The following TTC3 variants were observed in gnomAD, a reference collection of about 807,000 sequenced individuals.
TTC3 encodes the protein E3 ubiquitin-protein ligase TTC3.
In TTC3, 180 loss-of-function variants were observed where a neutral mutation model predicts 249.6. That is an observed-to-expected ratio of 0.72 (90% CI 0.64 to 0.82). TTC3 has a LOEUF of 0.82. TTC3 is among the 40% of genes least tolerant of loss of function. The pLI is 0.00. For synonymous variants in TTC3, 717 were observed against 805.0 expected (o/e 0.89, Z 1.85); for missense variants, 2,061 against 2,398.4 (o/e 0.86, Z 2.94).
chr21:37,078,154 C>A (rs995038770), intron 1 of TTC3, among the ~76,000 whole-genome samples: 3 of 152,064 alleles, frequency 2.0e-5, no homozygotes, highest in Middle Eastern at 3.2e-3. Flanking sequence ...TTAGTTACTA[C>A]CTGCATGGGT....
At chr21:37,073,584 A>G (rs541153145) in intron 1 of TTC3, 111 bp downstream of exon 1, 200 of 816,158 alleles carry the variant, frequency 2.5e-4, no homozygotes, top group Non-Finnish European at 2.6e-4. Context: ...TGCCTACCCC[A>G]GTGGGTTTGC....
intron 13 of TTC3, 53 bp from the exon 14 acceptor site, chr21:37,124,566 T>G (rs2076907429): frequency 6.3e-7 from 1 of 1,584,696 alleles, no homozygotes. Flanking sequence ...ACCTGTTCAT[T>G]CAAAGGATAA....
intron 35 of TTC3, among the ~76,000 whole-genome samples, chr21:37,172,987 G>C (rs1472662305): frequency 6.6e-6 from 1 of 152,184 alleles, no homozygotes. Context: ...TTTAGCTATA[G>C]TTCAGTTTCC....
intron 17 of TTC3, 75 bp downstream of exon 17, chr21:37,132,841 A>G: frequency 1.9e-6 from 2 of 1,075,810 alleles, no homozygotes. Context: ...TAAGGTTCTA[A>G]TCATGTACAT....
At chr21:37,110,733 A>G (rs1215653938) in intron 11 of TTC3, among the ~76,000 whole-genome samples, 1 of 152,196 alleles carries the variant, frequency 6.6e-6, no homozygotes, top group Non-Finnish European at 1.5e-5. Context: ...TGAGAAGAGC[A>G]ACTCCAAGAC....
At chr21:37,087,065 A>G (rs1182155156) in intron 1 of TTC3, 182 bp from the exon 2 acceptor site, 1 of 618,512 alleles carries the variant, frequency 1.6e-6, no homozygotes, top group Non-Finnish European at 2.8e-6. Context: ...AATTATCTGG[A>G]GAGAGAGGAA....
intron 16 of TTC3, 66 bp from the exon 17 acceptor site, chr21:37,132,616 T>C: frequency 7.4e-7 from 1 of 1,343,628 alleles, no homozygotes; most frequent in Non-Finnish European, 1.0e-6. Context: ...CCTGGCCCTA[T>C]TTTTTCTTTA....
At chr21:37,132,626 A>G in intron 16 of TTC3, 56 bp from the exon 17 acceptor site, 1 of 1,420,266 alleles carries the variant, frequency 7.0e-7, no homozygotes, top group Non-Finnish European at 9.6e-7. Context: ...TTTTTTCTTT[A>G]TATGAGTAGA....
intron 14 of TTC3, 57 bp from the exon 15 acceptor site, chr21:37,126,023 A>G: frequency 1.3e-6 from 2 of 1,515,836 alleles, no homozygotes; most frequent in Non-Finnish European, 1.8e-6. Flanking sequence ...TAGCTATTGA[A>G]TTCTTCATGG....
At chr21:37,090,279 T>C (rs779742520) in exon 6 of TTC3, 7 of 1,605,390 alleles carry the variant, frequency 4.4e-6, no homozygotes, top group African/African-American at 1.3e-5. Flanking sequence ...GGTTGTAAAA[T>C]AGAAAATGTA....
intron 11 of TTC3, among the ~76,000 whole-genome samples, chr21:37,120,878 TGTGTA>T (rs1465551874): frequency 1.3e-5 from 2 of 152,214 alleles, no homozygotes; most frequent in Non-Finnish European, 2.9e-5. Flanking sequence ...CTTTGTGAAA[TGTGTA>T]GTGAAGAGGA....
chr21:37,147,509 G>A (rs932229315), exon 22 of TTC3: 3 of 1,608,802 alleles, frequency 1.9e-6, no homozygotes, highest in African/African-American at 2.7e-5. Flanking sequence ...GTTGAAGAAT[G>A]CAAGTTCCCT....
In TTC3 at chr21:37,140,479, A is replaced by T. The variant is rs556906114; in HGVS notation, c.1660-82A>T. On this transcript the variant is annotated intron_variant, in intron 19 of 45. Coordinates refer to ENST00000355666, the Ensembl canonical transcript of TTC3. ...TATGCAGTTGTTATTTTAATATTAT[A>T]AAAAAAATCAACCTTTAGATAAAAT... 700 of 950,624 alleles carry T rather than the reference A, an allele frequency of 7.4e-4. 4 individuals carry two copies. The highest frequency in any genetic ancestry group is 6.9e-3 in the African/African-American group (395 of 57,058). 58.9% of individuals were successfully genotyped at this position (950,624 alleles called of 1,614,324 possible). A position where few individuals can be genotyped will look rare whatever the true frequency, so the allele number is the denominator to read the frequency against.
chr21:37,126,105 A>T (rs888693869), exon 15 of TTC3: 2 of 1,610,812 alleles, frequency 1.2e-6, no homozygotes, highest in South Asian at 1.1e-5. Context: ...TTGAAGGTAG[A>T]TGATTGTGAC....
At chr21:37,127,122 T>C (rs1447770106) in intron 15 of TTC3, among the ~76,000 whole-genome samples, 1 of 152,250 alleles carries the variant, frequency 6.6e-6, no homozygotes, top group East Asian at 1.9e-4. Context: ...CCCAAAGTGC[T>C]GGGATTGCAG....
At chr21:37,114,550 G>A (rs1303524640) in intron 11 of TTC3, among the ~76,000 whole-genome samples, 2 of 152,182 alleles carry the variant, frequency 1.3e-5, no homozygotes, top group Admixed American at 6.5e-5. Context: ...TGGAGAGGAT[G>A]TGGAGAAATA....
At chr21:37,139,923 A>G (rs1047119923) in intron 19 of TTC3, among the ~76,000 whole-genome samples, 2 of 152,176 alleles carry the variant, frequency 1.3e-5, no homozygotes, top group African/African-American at 4.8e-5. Flanking sequence ...TCAAAGCTCC[A>G]TTTTGTAGTG....
exon 17 of TTC3, chr21:37,132,706 A>T (rs1287065794): frequency 6.2e-7 from 1 of 1,608,056 alleles, no homozygotes; most frequent in South Asian, 1.1e-5. Context: ...TGACTTTACC[A>T]GCAGATTTGA....
chr21:37,145,664 G>A (rs1409131593), intron 21 of TTC3, among the ~76,000 whole-genome samples: 6 of 152,202 alleles, frequency 3.9e-5, no homozygotes, highest in Admixed American at 6.5e-5. Context: ...AGAAAAGTTG[G>A]CTTATGGTTT....
Sources: allele counts gnomAD v4.1 joint callset (sites outside exome capture counted in the v4.1 genomes callset), GRCh38; gene constraint gnomAD v4.1.1; transcripts MANE v1.5; gene names NCBI Gene and HGNC (gene_info 2026-07-23, HGNC 2026-07-21).